KAT2B: variants seen among roughly 807,000 people sequenced by gnomAD.
KAT2B encodes the protein histone acetyltransferase KAT2B.
In KAT2B, 36 loss-of-function variants were observed where a neutral mutation model predicts 105.9. That is an observed-to-expected ratio of 0.34 (90% confidence interval 0.26 to 0.45). The LOEUF (loss-of-function observed/expected upper bound fraction) is 0.45, where lower values mean the gene tolerates loss of function less well. KAT2B is among the 20% of genes least tolerant of loss of function. The pLI, the probability that KAT2B is intolerant of heterozygous loss-of-function variation, is 1.00. For synonymous variants in KAT2B, 397 were observed against 377.9 expected (o/e 1.05, Z -0.59); for missense variants, 820 against 1,021.6 (o/e 0.80, Z 2.69).
intron 1 of KAT2B, among the ~76,000 whole-genome samples, chr3:20,062,270 T>C: frequency 1.5e-5 from 1 of 67,736 alleles, no homozygotes; most frequent in Non-Finnish European, 2.9e-5. Context: ...ATATATAATA[T>C]ATAATATATA....
At chr3:20,062,229 T>TATA (rs1559514361) in intron 1 of KAT2B, among the ~76,000 whole-genome samples, 501 of 43,666 alleles carry the variant, frequency 0.011, 46 homozygotes, top group African/African-American at 0.035. Flanking sequence ...TATATAAAAA[T>TATA]ATATATAAAA....
chr3:20,127,826 C>T (rs62241663), intron 11 of KAT2B, among the ~76,000 whole-genome samples: 1,984 of 152,272 alleles, frequency 0.013, 23 homozygotes, highest in Middle Eastern at 0.034. Flanking sequence ...GTTAGATTCT[C>T]ATAAGGAGCA....
At chr3:20,138,757 G>A (rs1430570144) in intron 12 of KAT2B, among the ~76,000 whole-genome samples, 1 of 151,910 alleles carries the variant, frequency 6.6e-6, no homozygotes, top group Admixed American at 6.6e-5. Context: ...ACATTGATTT[G>A]TGAGAACTAT....
chr3:20,136,629 A>G (rs1427866116), intron 11 of KAT2B, among the ~76,000 whole-genome samples: 3 of 152,176 alleles, frequency 2.0e-5, no homozygotes, highest in East Asian at 3.9e-4. Context: ...ATTACTATTC[A>G]GCAAGTGATC....
intron 1 of KAT2B, among the ~76,000 whole-genome samples, chr3:20,069,202 C>A (rs1698275887): frequency 6.6e-6 from 1 of 152,250 alleles, no homozygotes; most frequent in African/African-American, 2.4e-5. Context: ...AGAACTTGGG[C>A]TTATAGGCTA....
chr3:20,118,399 T>G (rs986994286), intron 7 of KAT2B, among the ~76,000 whole-genome samples: 32 of 140,560 alleles, frequency 2.3e-4, no homozygotes, highest in African/African-American at 7.6e-4. Flanking sequence ...AGGGGAAGAG[T>G]AGAGAGAGAG....
chr3:20,134,429 G>A (rs954825342), intron 11 of KAT2B, among the ~76,000 whole-genome samples: 3 of 149,892 alleles, frequency 2.0e-5, no homozygotes, highest in African/African-American at 5.1e-5. Context: ...ACGGAGTCTC[G>A]CTCTGTCGCC....
intron 1 of KAT2B, among the ~76,000 whole-genome samples, chr3:20,064,524 T>C (rs1469709361): frequency 1.3e-5 from 2 of 152,206 alleles, no homozygotes; most frequent in Non-Finnish European, 2.9e-5. Flanking sequence ...TTAAACATTA[T>C]GACTTTGTCC....
intron 1 of KAT2B, among the ~76,000 whole-genome samples, chr3:20,050,076 T>C (rs947827692): frequency 3.9e-5 from 6 of 151,972 alleles, no homozygotes; most frequent in Non-Finnish European, 7.4e-5. Flanking sequence ...GGCTTGCACC[T>C]ATAGTCCCAG....
intron 1 of KAT2B, among the ~76,000 whole-genome samples, chr3:20,062,516 C>T (rs1698155853): frequency 1.4e-5 from 2 of 145,912 alleles, no homozygotes; most frequent in Non-Finnish European, 3.0e-5. Flanking sequence ...GGCTGGAGTG[C>T]AGTGGCATGA....
rs773114824 is a variant in KAT2B, at chr3:20,126,081, A to C, written c.1590A>C (p.Pro530=). The change falls in exon 10 of 18, where the codon CCA becomes CCC. Residue 530 remains proline (P), a synonymous_variant. Transcript: ENST00000263754. ...NVFSHQLPRM[P]KEYITRLVFD... is the part of the protein sequence containing the mutation. ...TCTCCCACCAGCTGCCCCGAATGCC[A>C]AAAGAATACATCACACGGCTCGTCT... The C allele has an allele frequency of 4.3e-6, 7 of 1,611,568 alleles. No individual in the cohort carries two copies. Among genetic ancestry groups the C allele is most frequent in the Middle Eastern group, 1.6e-4 (1 of 6,084 alleles).
intron 17 of KAT2B, among the ~76,000 whole-genome samples, chr3:20,149,717 TCTGA>T (rs1043569074): frequency 3.3e-5 from 5 of 152,116 alleles, no homozygotes; most frequent in Non-Finnish European, 7.4e-5. Flanking sequence ...CTCTCTTCTC[TCTGA>T]CTTACCACTA....
At position 20,127,623 on chromosome 3, in the gene KAT2B, A is replaced by G. The variant is rs533766160; in HGVS notation, c.1749+74A>G. 5.0e-6 allele frequency: 7 copies of G among 1,412,580 alleles called. No individual in the cohort carries two copies. In the South Asian group the frequency reaches 7.4e-5, roughly 15 times the overall value. 87.5% of individuals were successfully genotyped at this position (1,412,580 alleles called of 1,614,324 possible). A position where few individuals can be genotyped will look rare whatever the true frequency, so the allele number is the denominator to read the frequency against. Reference sequence around the variant, plus strand: ...TCACTAAGGCCTGCAGAGCTTGGGAAGATCTCTCTGTGCCATGTCCAGAGA... The same window carrying G: ...TCACTAAGGCCTGCAGAGCTTGGGAGGATCTCTCTGTGCCATGTCCAGAGA... On this transcript the variant is annotated intron_variant, in intron 11 of 17. Transcript: ENST00000263754.
chr3:20,137,204 C>T (rs1699617449), intron 12 of KAT2B, 152 bp downstream of exon 12: 1 of 591,320 alleles, frequency 1.7e-6, no homozygotes, highest in African/African-American at 1.9e-5. Context: ...TAAGCTTCAG[C>T]CTGGATTAGA....
intron 13 of KAT2B, among the ~76,000 whole-genome samples, chr3:20,141,443 T>G (rs1699693433): frequency 6.6e-6 from 1 of 152,114 alleles, no homozygotes. Context: ...AGAAAGAACT[T>G]TGTGTGTTAA....
At position 20,152,754 on chromosome 3, in the gene KAT2B, A is replaced by G. The variant is rs1699891126; in HGVS notation, c.*229A>G. The G allele has an allele frequency of 3.0e-6, 1 of 330,384 alleles. No homozygotes were observed. The highest frequency in any genetic ancestry group is 5.6e-6 in the Non-Finnish European group (1 of 177,472). 20.5% of individuals were successfully genotyped at this position (330,384 alleles called of 1,614,324 possible). A position where few individuals can be genotyped will look rare whatever the true frequency, so the allele number is the denominator to read the frequency against. ...AATAGATTTTAATCTATTTACTACT[A>G]TTAAGGTAAATTTTCTATGGCATGT... is the stretch of plus-strand genomic sequence containing the variant. On this transcript the variant is annotated 3_prime_UTR_variant, in exon 18 of 18. Transcript: ENST00000263754.
chr3:20,127,402 G>C (rs769547391), intron 10 of KAT2B, 21 bp from the exon 11 acceptor site: 1 of 1,607,156 alleles, frequency 6.2e-7, no homozygotes, highest in Non-Finnish European at 8.5e-7. Flanking sequence ...GTAAAACTTT[G>C]ACATAATCTT....
intron 11 of KAT2B, among the ~76,000 whole-genome samples, chr3:20,133,147 A>G (rs1327195981): frequency 6.6e-6 from 1 of 152,200 alleles, no homozygotes; most frequent in Non-Finnish European, 1.5e-5. Flanking sequence ...TCAGCTTGGT[A>G]CGCATCCTTC....
intron 3 of KAT2B, among the ~76,000 whole-genome samples, chr3:20,096,074 C>T (rs1266498261): frequency 6.6e-6 from 1 of 152,054 alleles, no homozygotes; most frequent in Non-Finnish European, 1.5e-5. Flanking sequence ...GTCTGTACAG[C>T]AAGGAGGGCA....
Sources: gnomAD v4.1 joint callset for allele counts (sites outside exome capture counted in the v4.1 genomes callset) on GRCh38, gnomAD v4.1.1 for gene constraint, MANE v1.5 for transcripts, NCBI Gene and HGNC (gene_info 2026-07-23, HGNC 2026-07-21) for gene names.